Variants in DNAH14 observed in about 807,000 individuals in gnomAD.
The protein encoded by DNAH14 is dynein axonemal heavy chain 14.
In DNAH14, 478 loss-of-function variants were observed where a neutral mutation model predicts 520.9. The ratio of observed to expected loss-of-function variants is 0.92; its 90% CI spans 0.85 to 0.99. The LOEUF (loss-of-function observed/expected upper bound fraction) is 0.99, where lower values mean the gene tolerates loss of function less well. Ranked by LOEUF, DNAH14 falls within the 50% of genes least tolerant of loss-of-function variation. The pLI is 0.00. For synonymous variants in DNAH14, 1,581 were observed against 1,757.2 expected (o/e 0.90, Z 2.51); for missense variants, 4,831 against 5,234.5 (o/e 0.92, Z 2.38).
At chr1:224,996,217 G>A (rs2063380101) in intron 8 of DNAH14, among the ~76,000 whole-genome samples, 1 of 151,892 alleles carries the variant, frequency 6.6e-6, no homozygotes, top group Non-Finnish European at 1.5e-5. Context: ...TGTGGCCCAG[G>A]CATGATTGTG....
intron 37 of DNAH14, among the ~76,000 whole-genome samples, chr1:225,187,312 C>T (rs1245811207): frequency 4.0e-5 from 6 of 151,844 alleles, no homozygotes; most frequent in Admixed American, 2.0e-4. Context: ...AAATCACCCC[C>T]TATTCTCCTA....
chr1:225,033,579 A>G (rs541469867), intron 11 of DNAH14, among the ~76,000 whole-genome samples: 5 of 152,148 alleles, frequency 3.3e-5, no homozygotes, highest in Non-Finnish European at 7.4e-5. Flanking sequence ...TTGGATCCAC[A>G]TAAATTTTAA....
At chr1:225,152,983 C>G in intron 33 of DNAH14, 100 bp downstream of exon 33, 1 of 1,181,406 alleles carries the variant, frequency 8.5e-7, no homozygotes, top group East Asian at 2.7e-5. Flanking sequence ...TGGGACTGTA[C>G]CAAATAATGG....
At chr1:225,067,360 C>A (rs2071016174) in intron 17 of DNAH14, among the ~76,000 whole-genome samples, 1 of 152,104 alleles carries the variant, frequency 6.6e-6, no homozygotes, top group African/African-American at 2.4e-5. Flanking sequence ...TTTATCTAGT[C>A]TATCATTGAT....
intron 7 of DNAH14, among the ~76,000 whole-genome samples, chr1:224,971,599 AGACGTCTGT>A (rs1426368203): frequency 6.6e-6 from 1 of 152,232 alleles, no homozygotes; most frequent in Non-Finnish European, 1.5e-5. Context: ...AGAGAACTAG[AGACGTCTGT>A]GTGCATTGCT....
intron 2 of DNAH14, among the ~76,000 whole-genome samples, chr1:224,954,249 T>G (rs6700281): frequency 0.048 from 7,322 of 152,190 alleles, 513 homozygotes; most frequent in African/African-American, 0.16. Context: ...GATCTATAAA[T>G]AAGTTCAAAG....
intron 1 of DNAH14, among the ~76,000 whole-genome samples, chr1:224,938,349 G>A (rs191797493): frequency 2.0e-5 from 3 of 151,858 alleles, no homozygotes; most frequent in East Asian, 1.9e-4. Flanking sequence ...ACTCAATAGC[G>A]AAAAAACAAA....
At chr1:225,067,164 G>A (rs1369668320) in intron 17 of DNAH14, among the ~76,000 whole-genome samples, 1 of 152,102 alleles carries the variant, frequency 6.6e-6, no homozygotes, top group African/African-American at 2.4e-5. Context: ...TCCCCTCTAT[G>A]TGTCCATGTG....
At chr1:225,016,145 G>A (rs557751590) in intron 10 of DNAH14, among the ~76,000 whole-genome samples, 68 of 152,192 alleles carry the variant, frequency 4.5e-4, no homozygotes, top group African/African-American at 1.6e-3. Context: ...TACCTCAAGG[G>A]GCTCACACAA....
chr1:225,121,230 C>T (rs560809853), intron 26 of DNAH14, among the ~76,000 whole-genome samples: 1 of 152,250 alleles, frequency 6.6e-6, no homozygotes, highest in East Asian at 1.9e-4. Context: ...TTAAAATACT[C>T]ATCACCTCAC....
At chr1:225,137,237 T>G (rs1405262004) in intron 27 of DNAH14, among the ~76,000 whole-genome samples, 1 of 152,192 alleles carries the variant, frequency 6.6e-6, no homozygotes, top group African/African-American at 2.4e-5. Context: ...TTTTCAGTGT[T>G]TTTGCATTTA....
At chr1:225,055,379 GTCTTT>G (rs1452452609) in intron 17 of DNAH14, among the ~76,000 whole-genome samples, 2 of 152,098 alleles carry the variant, frequency 1.3e-5, no homozygotes, top group African/African-American at 2.4e-5. Flanking sequence ...ATAGAAGTAT[GTCTTT>G]TCTTTATTTG....
At chr1:224,994,294 T>C (rs576074800) in intron 8 of DNAH14, among the ~76,000 whole-genome samples, 299 of 152,186 alleles carry the variant, frequency 2.0e-3, no homozygotes, top group Non-Finnish European at 3.3e-3. Flanking sequence ...CCTACTATTA[T>C]TGTATTGTAA....
At position 225,285,617 on chromosome 1, in the gene DNAH14, G is replaced by A. The variant is rs548434939; in HGVS notation, c.8272-4268G>A. Among the ~76,000 whole-genome samples the A allele has an allele frequency of 1.2e-3, 180 of 152,086 alleles. 2 individuals carry two copies. The highest frequency in any genetic ancestry group is 6.8e-3 in the Middle Eastern group (2 of 292). On this transcript the variant is annotated intron_variant, in intron 54 of 85. Transcript: ENST00000682510. Reference sequence around the variant, plus strand: ...CATGCCTATAATCCCAGCACTTTGGGAGGGCAACACAGGAGGATTGCCTGA... The same window carrying A: ...CATGCCTATAATCCCAGCACTTTGGAAGGGCAACACAGGAGGATTGCCTGA...
At chr1:225,359,530 T>G (rs574795611) in intron 74 of DNAH14, among the ~76,000 whole-genome samples, 1 of 152,352 alleles carries the variant, frequency 6.6e-6, no homozygotes, top group South Asian at 2.1e-4. Flanking sequence ...TCATTTATCT[T>G]CTGTTCCAAA....
chr1:225,168,941 C>T lies in DNAH14; in HGVS notation c.5535+913C>T, dbSNP rs369272800. On this transcript the variant is annotated intron_variant, in intron 36 of 85. Transcript: ENST00000682510. ...ACACCTCACACGGCCGGGTACTCCT[C>T]TGAGAAAAAACTTCCAGAGGAACGA... is the stretch of plus-strand genomic sequence containing the variant. Among the ~76,000 whole-genome samples, 9 of 152,140 alleles carry T rather than the reference C, an allele frequency of 5.9e-5. No homozygotes were observed. In the East Asian group the frequency reaches 1.7e-3, roughly 29 times the overall value.
rs189502345 is a variant in DNAH14 at position 225,284,391 on chromosome 1, G to A, written c.8272-5494G>A. The stretch of plus-strand genomic sequence containing the variant: ...TGAACAATTGTATGCCAACATAGTA[G>A]ATCACTTAGATAAAATGTCTTTCCT... On this transcript the variant is annotated intron_variant, in intron 54 of 85. Transcript: ENST00000682510. 5.6e-3 allele frequency among the ~76,000 whole-genome samples: 857 copies of A among 152,114 alleles called. 4 individuals are homozygous for A. Among genetic ancestry groups the A allele is most frequent in the Middle Eastern group, 0.02 (6 of 294 alleles).
At chr1:225,059,972 T>C (rs2148400539) in intron 17 of DNAH14, among the ~76,000 whole-genome samples, 1 of 151,954 alleles carries the variant, frequency 6.6e-6, no homozygotes, top group African/African-American at 2.4e-5. Flanking sequence ...TTTCCCTTCA[T>C]TTCAACTTTG....
intron 71 of DNAH14, 132 bp downstream of exon 71, chr1:225,346,786 G>A (rs1419781624): frequency 1.7e-6 from 1 of 594,896 alleles, no homozygotes; most frequent in South Asian, 2.8e-5. Flanking sequence ...CACCTCCACT[G>A]TTACTCAATA....
Sources: allele counts gnomAD v4.1 joint callset (sites outside exome capture counted in the v4.1 genomes callset), GRCh38; gene constraint gnomAD v4.1.1; transcripts MANE v1.5; gene names NCBI Gene and HGNC (gene_info 2026-07-23, HGNC 2026-07-21).